The following KATNA1 variants were observed in gnomAD, a reference collection of about 807,000 sequenced individuals.
KATNA1 encodes the protein katanin p60 ATPase-containing subunit A1.
Under a neutral mutation model 62.6 loss-of-function variants are expected in KATNA1, and 42 were observed. The observed-to-expected ratio is 0.67, with a 90% CI of 0.52 to 0.87. The LOEUF is 0.87. Ranked by LOEUF, KATNA1 falls within the 40% of genes least tolerant of loss-of-function variation. The pLI, the probability that KATNA1 is intolerant of heterozygous loss-of-function variation, is 0.00. For synonymous variants in KATNA1, 186 were observed against 201.9 expected (o/e 0.92, Z 0.67); for missense variants, 498 against 612.5 (o/e 0.81, Z 1.97).
At chr6:149,646,030 C>A (rs886753945) in intron 1 of KATNA1, among the ~76,000 whole-genome samples, 1 of 152,020 alleles carries the variant, frequency 6.6e-6, no homozygotes, top group Non-Finnish European at 1.5e-5. Flanking sequence ...AAAGAGGATA[C>A]CTTACCCATT....
At chr6:149,599,303 G>C (rs919100825) in intron 7 of KATNA1, among the ~76,000 whole-genome samples, 8 of 152,074 alleles carry the variant, frequency 5.3e-5, no homozygotes, top group Non-Finnish European at 4.4e-5. Context: ...TAAAATTTTA[G>C]GAAGCATCTA....
chr6:149,595,300 A>T (rs1397236459), intron 10 of KATNA1, 66 bp from the exon 11 acceptor site: 2 of 1,321,360 alleles, frequency 1.5e-6, no homozygotes, highest in East Asian at 4.8e-5. Flanking sequence ...AAAACCTGTT[A>T]ATAGAAAAAT....
At chr6:149,643,471 C>T (rs1780365250) in intron 1 of KATNA1, among the ~76,000 whole-genome samples, 1 of 152,194 alleles carries the variant, frequency 6.6e-6, no homozygotes, top group South Asian at 2.1e-4. Context: ...CAAGACTGGG[C>T]ATCTGAGCTC....
At chr6:149,623,630 C>T (rs934379327) in intron 3 of KATNA1, among the ~76,000 whole-genome samples, 6 of 151,824 alleles carry the variant, frequency 4.0e-5, no homozygotes, top group African/African-American at 9.7e-5. Context: ...CCCAGCCACT[C>T]GGGAGGCTGA....
intron 7 of KATNA1, among the ~76,000 whole-genome samples, chr6:149,600,607 T>C (rs1400801538): frequency 1.3e-5 from 2 of 151,828 alleles, no homozygotes; most frequent in Non-Finnish European, 2.9e-5. Flanking sequence ...CACTCCAGCC[T>C]AGGTGACAGA....
chr6:149,622,280 C>T lies in KATNA1; in HGVS notation c.501+823G>A, dbSNP rs191090622. Among the ~76,000 whole-genome samples, 267 of 152,122 alleles carry T rather than the reference C, an allele frequency of 1.8e-3. 1 individual carries two copies. The highest frequency in any genetic ancestry group is 6.1e-3 in the African/African-American group (253 of 41,514). On this transcript the variant is annotated intron_variant, in intron 4 of 10. Transcript: ENST00000367411. Reference sequence around the variant, plus strand: ...CCTGAGTAGCTGGGACTACAGGCGCCCGCCACCACGGCTAATTTTTAGTAG... The same window carrying T: ...CCTGAGTAGCTGGGACTACAGGCGCTCGCCACCACGGCTAATTTTTAGTAG...
chr6:149,595,749 G>C (rs1235520271), intron 10 of KATNA1, among the ~76,000 whole-genome samples: 1 of 152,058 alleles, frequency 6.6e-6, no homozygotes, highest in East Asian at 1.9e-4. Context: ...TATGCAAAGG[G>C]ATAGCAATAG....
At chr6:149,632,298 C>T (rs1046680400) in intron 3 of KATNA1, among the ~76,000 whole-genome samples, 1 of 151,688 alleles carries the variant, frequency 6.6e-6, no homozygotes, top group South Asian at 2.1e-4. Context: ...TCACTTGAAC[C>T]CGGGAGGCAG....
Position 149,638,528 on chromosome 6 carries a change from C to T in KATNA1, c.20G>A (p.Ser7Asn). Residue 7 changes from serine to asparagine, a missense_variant, in exon 2 of 11, where the codon AGT (serine) becomes AAT (asparagine). Around this residue, in one of 3 missense-constraint regions of KATNA1, gnomAD observed 28 missense variants for 41.6 expected, o/e 0.67. Transcript: ENST00000367411. ...TTCACGAGCCAATTTTACATTCTCA[C>T]TAATCATAAGAAGACTCATGTTCAA... Reference protein sequence around the residue: MSLLMISENVKLAREYA... With the variant: MSLLMINENVKLAREYA... 1.2e-6 allele frequency: 2 copies of T among 1,613,262 alleles called. No homozygotes were observed. The highest frequency in any genetic ancestry group is 1.7e-6 in the Non-Finnish European group (2 of 1,179,634).
chr6:149,622,901 C>T (rs1023751764), intron 4 of KATNA1, among the ~76,000 whole-genome samples: 1 of 151,852 alleles, frequency 6.6e-6, no homozygotes, highest in African/African-American at 2.4e-5. Flanking sequence ...CCCTGCCACT[C>T]GGAAGGCTGA....
intron 1 of KATNA1, 169 bp from the exon 2 acceptor site, chr6:149,638,729 TG>T (rs374619096): frequency 2.8e-4 from 73 of 256,672 alleles, no homozygotes; most frequent in Middle Eastern, 1.1e-3. Context: ...AAAAAAACAT[TG>T]TTTTTTTTTT....
intron 9 of KATNA1, 105 bp downstream of exon 9, chr6:149,597,402 C>T (rs1450860330): frequency 7.4e-7 from 1 of 1,359,156 alleles, no homozygotes; most frequent in East Asian, 2.3e-5. Flanking sequence ...GAAGATACTC[C>T]TCATGTATCT....
At chr6:149,601,382 T>G (rs1778537262) in intron 7 of KATNA1, among the ~76,000 whole-genome samples, 1 of 152,084 alleles carries the variant, frequency 6.6e-6, no homozygotes, top group East Asian at 1.9e-4. Context: ...GCCCCAAAAC[T>G]GGTAGATTTG....
intron 4 of KATNA1, among the ~76,000 whole-genome samples, chr6:149,605,873 A>G (rs917763331): frequency 1.3e-5 from 2 of 151,974 alleles, no homozygotes; most frequent in African/African-American, 4.8e-5. Flanking sequence ...GGTTCAAGCA[A>G]TTCTCCTGTC....
chr6:149,611,198 C>T (rs1043511911), intron 4 of KATNA1, among the ~76,000 whole-genome samples: 7 of 152,216 alleles, frequency 4.6e-5, no homozygotes, highest in Admixed American at 2.0e-4. Flanking sequence ...CAGTGGCTCA[C>T]GCCTGTAATC....
intron 3 of KATNA1, among the ~76,000 whole-genome samples, chr6:149,629,090 A>AGAG (rs1779736246): frequency 6.6e-6 from 1 of 150,988 alleles, no homozygotes; most frequent in South Asian, 2.1e-4. Flanking sequence ...ACCACCCCTC[A>AGAG]GAGGAAATCC....
At chr6:149,608,172 ATTTCCAGGAAGATGGAGCATACT>A (rs1778810900) in intron 4 of KATNA1, among the ~76,000 whole-genome samples, 1 of 152,200 alleles carries the variant, frequency 6.6e-6, no homozygotes, top group Non-Finnish European at 1.5e-5. Context: ...CTGGGTTCTC[ATTTCCAGGAAGATGGAGCATACT>A]TTTCAGCATT....
At chr6:149,622,992 G>C in intron 4 of KATNA1, 111 bp downstream of exon 4, 1 of 797,548 alleles carries the variant, frequency 1.3e-6, no homozygotes, top group Non-Finnish European at 1.9e-6. Flanking sequence ...CTGGGTGACA[G>C]AGTGAGACTG....
rs755625742 is a variant in KATNA1, at chr6:149,601,657, TG to T, written c.824del (p.Ser275TyrfsTer4). 2 of 1,613,060 alleles carry T rather than the reference TG, an allele frequency of 1.2e-6. No individual in the cohort carries two copies. The highest frequency in any genetic ancestry group is 3.4e-5 in the Admixed American group (2 of 59,644). On this transcript the variant is annotated frameshift_variant, in exon 7 of 11. Transcript: ENST00000367411. LOFTEE classifies it high-confidence loss of function. ...CTCTGTATTTGGAAGTCAAAGTTGA[TG>T]AAGAGACATTGAAGAATGTTGTCTT... ...ECKTTFFNVSSSTLTSKYRGE... is the reference protein window; with the variant it reads ...ECKTTFFNVSXSTLTSKYRGE...
Sources: gnomAD v4.1 joint callset for allele counts (sites outside exome capture counted in the v4.1 genomes callset) on GRCh38, gnomAD v4.1.1 for gene constraint, gnomAD v4.1.1 regional missense constraint, MANE v1.5 for transcripts, NCBI Gene and HGNC (gene_info 2026-07-23, HGNC 2026-07-21) for gene names.